Variants in KRTAP9-9 observed in about 807,000 individuals in gnomAD.
The protein encoded by KRTAP9-9 is keratin associated protein 9-9, also known as keratin-associated protein 9-9.
A neutral mutation model predicts 13.7 loss-of-function variants in KRTAP9-9; 12 were observed. That is an observed-to-expected ratio of 0.88 (90% CI 0.56 to 1.42). The LOEUF is 1.42. KRTAP9-9 is among the 40% of genes most tolerant of loss of function. The pLI, the probability that KRTAP9-9 is intolerant of heterozygous loss-of-function variation, is 0.00. For missense variants in KRTAP9-9, 194 were observed against 206.5 expected (o/e 0.94, Z 0.37); for synonymous variants, 81 against 78.1 (o/e 1.04, Z -0.19).
At chr17:41,256,049 T>C (rs113087637) in exon 1 of KRTAP9-9, 142,248 of 1,011,354 alleles carry the variant, frequency 0.14, no homozygotes, top group Non-Finnish European at 0.18. Flanking sequence ...GTGAATCAGC[T>C]TGAGGGAGGG....
At chr17:41,255,709 T>C in exon 1 of KRTAP9-9, 1 of 1,613,480 alleles carries the variant, frequency 6.2e-7, no homozygotes, top group Non-Finnish European at 8.5e-7. Flanking sequence ...CCTGTGCACC[T>C]GTGTACTGCA....
exon 1 of KRTAP9-9, chr17:41,255,588 C>T: frequency 1.9e-6 from 3 of 1,613,638 alleles, no homozygotes. Context: ...ACCTGTCTGA[C>T]CAGCTGCTGC....
Position 41,255,400 on chromosome 17 carries a change from C to T in KRTAP9-9, c.15C>T (p.Cys5=), listed in dbSNP as rs769390728. Residue 5 remains cysteine, a synonymous_variant, in exon 1 of 1, where the codon TGC becomes TGT. Coordinates refer to ENST00000394008, the Ensembl canonical transcript of KRTAP9-9. ...CCCCTGACACCATGACCCACTGTTG[C>T]TCCCCTTGCTGTCAGCCTACCTGCT... 1.5e-5 allele frequency: 20 copies of T among 1,294,978 alleles called. No homozygotes were observed. The South Asian group carries it at 2.2e-4, about 14-fold the overall frequency. 80.2% of individuals were successfully genotyped at this position (1,294,978 alleles called of 1,614,324 possible).
At chr17:41,255,670 C>A (rs761744324) in exon 1 of KRTAP9-9, 3 of 1,613,834 alleles carry the variant, frequency 1.9e-6, no homozygotes, top group South Asian at 1.1e-5. Flanking sequence ...GCCAAACCAG[C>A]TGTGGGTCCA....
exon 1 of KRTAP9-9, chr17:41,255,639 G>A: frequency 6.2e-7 from 1 of 1,612,502 alleles, no homozygotes; most frequent in Non-Finnish European, 8.5e-7. Flanking sequence ...CAGCCCATCT[G>A]CTGTGGGTCC....
At chr17:41,255,503 T>G in exon 1 of KRTAP9-9, 1 of 1,611,966 alleles carries the variant, frequency 6.2e-7, no homozygotes, top group East Asian at 2.2e-5. Context: ...CTGCTGTGTG[T>G]CTAGCTGCTG....
At chr17:41,255,968 T>C (rs2016316901) in exon 1 of KRTAP9-9, 6 of 1,580,050 alleles carry the variant, frequency 3.8e-6, no homozygotes, top group Admixed American at 1.7e-5. Context: ...GGAGGACTAA[T>C]TTACCTTACT....
Position 41,256,106 on chromosome 17 carries a change from T to C in KRTAP9-9, c.*211T>C, listed in dbSNP as rs569183269. On this transcript the variant is annotated 3_prime_UTR_variant, in exon 1 of 1. Coordinates refer to ENST00000394008, the Ensembl canonical transcript of KRTAP9-9. Reference sequence around the variant, plus strand: ...TCTTTTTCTTATACCTTGTGAATCATGTGCCAGCTTCATGTGTTCTCAATT... The same window carrying C: ...TCTTTTTCTTATACCTTGTGAATCACGTGCCAGCTTCATGTGTTCTCAATT... 5.7e-6 allele frequency: 5 copies of C among 883,706 alleles called. No individual in the cohort carries two copies. The South Asian group carries it at 7.3e-5, about 13-fold the overall frequency. The allele number at this position is 883,706 out of a possible 1,614,324, so 54.7% of individuals were successfully genotyped here.
chr17:41,256,228 C>G, exon 1 of KRTAP9-9: 1 of 465,358 alleles, frequency 2.1e-6, no homozygotes, highest in Non-Finnish European at 3.9e-6. Flanking sequence ...ATCTTCACAA[C>G]TATGTTTTCT....
exon 1 of KRTAP9-9, chr17:41,255,943 A>G (rs1283419241): frequency 6.2e-7 from 1 of 1,601,514 alleles, no homozygotes; most frequent in East Asian, 2.2e-5. Flanking sequence ...CTTCTGCTCA[A>G]CTGACTTATC....
exon 1 of KRTAP9-9, chr17:41,256,112 A>G: frequency 2.3e-6 from 2 of 856,280 alleles, no homozygotes; most frequent in Non-Finnish European, 3.6e-6. Flanking sequence ...ATCATGTGCC[A>G]GCTTCATGTG....
chr17:41,255,728 T>A (rs773319507), exon 1 of KRTAP9-9: 3 of 1,613,374 alleles, frequency 1.9e-6, no homozygotes, highest in South Asian at 1.1e-5. Flanking sequence ...CAGAAGAACC[T>A]GCTACTACCC....
At chr17:41,256,267 T>C in exon 1 of KRTAP9-9, 1 of 316,108 alleles carries the variant, frequency 3.2e-6, no homozygotes, top group Non-Finnish European at 6.1e-6. Context: ...TCTTGTATCC[T>C]GCTTCCTTCT....
exon 1 of KRTAP9-9, chr17:41,255,591 G>A (rs1355269911): frequency 6.2e-7 from 1 of 1,613,394 alleles, no homozygotes; most frequent in Non-Finnish European, 8.5e-7. Context: ...TGTCTGACCA[G>A]CTGCTGCCAG....
At chr17:41,255,669 G>T (rs774579636) in exon 1 of KRTAP9-9, 2 of 1,613,294 alleles carry the variant, frequency 1.2e-6, no homozygotes, top group Admixed American at 3.3e-5. Context: ...GGCCAAACCA[G>T]CTGTGGGTCC....
chr17:41,255,697 C>G, exon 1 of KRTAP9-9: 1 of 1,613,808 alleles, frequency 6.2e-7, no homozygotes, highest in Non-Finnish European at 8.5e-7. Context: ...GCCAGAGCAG[C>G]TCCTGTGCAC....
At chr17:41,256,104 C>A (rs2144130929) in exon 1 of KRTAP9-9, 4 of 888,198 alleles carry the variant, frequency 4.5e-6, no homozygotes, top group Non-Finnish European at 6.8e-6. Context: ...CCTTGTGAAT[C>A]ATGTGCCAGC....
Position 41,256,057 on chromosome 17 carries a change from G to A in KRTAP9-9, c.*162G>A. The A allele has an allele frequency of 3.0e-6, 4 of 1,353,582 alleles. No individual in the cohort carries two copies. In the South Asian group the frequency reaches 4.2e-5, roughly 14 times the overall value. The allele number at this position is 1,353,582 out of a possible 1,614,324, so 83.8% of individuals were successfully genotyped here. On this transcript the variant is annotated 3_prime_UTR_variant, in exon 1 of 1. Transcript: ENST00000394008. The stretch of plus-strand genomic sequence containing the variant: ...AAATCTTGTGAATCAGCTTGAGGGA[G>A]GGCAGAATACTTCATCCTGATTCTC...
At chr17:41,255,562 C>G in exon 1 of KRTAP9-9, 1 of 1,613,776 alleles carries the variant, frequency 6.2e-7, no homozygotes, top group Non-Finnish European at 8.5e-7. Flanking sequence ...GCTGCAGGAC[C>G]ACCTGCTGCC....
Sources: gnomAD v4.1 joint callset for allele counts on GRCh38, gnomAD v4.1.1 for gene constraint, MANE v1.5 for transcripts, NCBI Gene and HGNC (gene_info 2026-07-23, HGNC 2026-07-21) for gene names.